SUGCT: variants seen among roughly 807,000 people sequenced by gnomAD.
SUGCT encodes the protein succinyl-CoA:glutarate CoA-transferase.
Under a neutral mutation model 55.0 loss-of-function variants are expected in SUGCT, and 41 were observed. The ratio of observed to expected loss-of-function variants is 0.74; its 90% CI spans 0.58 to 0.97. The LOEUF (loss-of-function observed/expected upper bound fraction) is 0.97. Among genes scored for constraint, SUGCT ranks in the 50% least tolerant of loss-of-function variants. The pLI is 0.00. For synonymous variants in SUGCT, 187 were observed against 200.4 expected, an observed-to-expected ratio of 0.93 and a Z score of 0.56; for missense variants, 568 against 547.8, an observed-to-expected ratio of 1.04 and a Z score of -0.37.
chr7:40,797,995 C>G (rs1790630286), intron 13 of SUGCT, among the ~76,000 whole-genome samples: 2 of 152,144 alleles, frequency 1.3e-5, no homozygotes, highest in Non-Finnish European at 2.9e-5. Context: ...ATGTTATTTC[C>G]TGTGCTTCAA....
At chr7:40,810,935 G>A (rs1039736382) in intron 13 of SUGCT, among the ~76,000 whole-genome samples, 6 of 152,098 alleles carry the variant, frequency 3.9e-5, no homozygotes, top group African/African-American at 9.7e-5. Flanking sequence ...GTTAATTTTT[G>A]TATATCGTGA....
chr7:40,374,576 A>C (rs968030420), intron 9 of SUGCT, among the ~76,000 whole-genome samples: 3 of 152,216 alleles, frequency 2.0e-5, no homozygotes, highest in Non-Finnish European at 2.9e-5. Context: ...GGGTTGTCTC[A>C]AATTGAACGG....
At chr7:40,835,054 TC>T (rs1792890447) in intron 13 of SUGCT, among the ~76,000 whole-genome samples, 1 of 152,242 alleles carries the variant, frequency 6.6e-6, no homozygotes, top group African/African-American at 2.4e-5. Context: ...GAAATGTCTT[TC>T]TTTACTGTCC....
chr7:40,283,658 AAG>A (rs1162556646), intron 8 of SUGCT, among the ~76,000 whole-genome samples: 7 of 152,218 alleles, frequency 4.6e-5, no homozygotes, highest in Non-Finnish European at 1.0e-4. Context: ...TATTATCAGC[AAG>A]AGAGATAATA....
chr7:40,170,888 A>G (rs1226045802), intron 1 of SUGCT, among the ~76,000 whole-genome samples: 5 of 152,064 alleles, frequency 3.3e-5, no homozygotes, highest in African/African-American at 1.2e-4. Context: ...CCACAGAGAA[A>G]GGGGTTGGGG....
At chr7:40,616,909 C>T (rs1232955062) in intron 12 of SUGCT, among the ~76,000 whole-genome samples, 1 of 152,174 alleles carries the variant, frequency 6.6e-6, no homozygotes, top group Non-Finnish European at 1.5e-5. Flanking sequence ...TCTATATTTT[C>T]CCATTTGCAT....
intron 5 of SUGCT, among the ~76,000 whole-genome samples, chr7:40,191,977 G>A (rs1785938444): frequency 6.6e-6 from 1 of 151,958 alleles, no homozygotes; most frequent in African/African-American, 2.4e-5. Context: ...GCGTGTTGGT[G>A]CGTGCCTGTA....
chr7:40,951,274 T>C, the SUGCT span, among the ~76,000 whole-genome samples: 2 of 152,194 alleles, frequency 1.3e-5, no homozygotes, highest in Admixed American at 1.3e-4. Context: ...TCTCTGATGG[T>C]AGTTTGTATT....
chr7:40,358,435 G>A (rs1025864953), intron 9 of SUGCT, among the ~76,000 whole-genome samples: 10 of 152,018 alleles, frequency 6.6e-5, no homozygotes, highest in Admixed American at 5.3e-4. Context: ...TCAGAGGGCC[G>A]GGCGCAGTGG....
intron 9 of SUGCT, among the ~76,000 whole-genome samples, chr7:40,338,932 A>C (rs939635472): frequency 6.6e-6 from 1 of 152,034 alleles, no homozygotes; most frequent in Non-Finnish European, 1.5e-5. Flanking sequence ...TTTGGTGTGG[A>C]TGTCCTTTCT....
chr7:40,465,212 A>G (rs1424552727), intron 11 of SUGCT, among the ~76,000 whole-genome samples: 2 of 152,162 alleles, frequency 1.3e-5, no homozygotes, highest in Non-Finnish European at 2.9e-5. Flanking sequence ...CTATTTACTT[A>G]TTTTCAGAGT....
At chr7:40,340,698 C>T (rs1431549305) in intron 9 of SUGCT, among the ~76,000 whole-genome samples, 1 of 151,972 alleles carries the variant, frequency 6.6e-6, no homozygotes, top group Non-Finnish European at 1.5e-5. Flanking sequence ...GGAGCCAGTC[C>T]GGCTATAAAG....
chr7:41,004,360 A>G, the SUGCT span, among the ~76,000 whole-genome samples: 2 of 152,210 alleles, frequency 1.3e-5, no homozygotes, highest in African/African-American at 2.4e-5. Flanking sequence ...AGTCCCAGGC[A>G]TTTCTTTTGG....
chr7:40,185,842 A>G (rs1177270894), intron 3 of SUGCT, among the ~76,000 whole-genome samples: 1 of 152,024 alleles, frequency 6.6e-6, no homozygotes, highest in Non-Finnish European at 1.5e-5. Flanking sequence ...TTTTTTGACC[A>G]GTTACTATGA....
chr7:40,871,493 GCAGAAGAACCTGCC>G, the SUGCT span, among the ~76,000 whole-genome samples: 1 of 152,204 alleles, frequency 6.6e-6, no homozygotes, highest in African/African-American at 2.4e-5. Flanking sequence ...GCCACATGGA[GCAGAAGAACCTGCC>G]CATCTGAACC....
chr7:40,763,491 C>T (rs1788636133), intron 13 of SUGCT, among the ~76,000 whole-genome samples: 1 of 152,106 alleles, frequency 6.6e-6, no homozygotes, highest in South Asian at 2.1e-4. Context: ...CTTTTATAAA[C>T]TTTAGGCTTA....
intron 9 of SUGCT, among the ~76,000 whole-genome samples, chr7:40,435,734 C>T (rs189629241): frequency 4.6e-5 from 7 of 152,190 alleles, no homozygotes; most frequent in East Asian, 3.9e-4. Context: ...TGTCCCTCCA[C>T]GCTTTGCCTT....
chr7:40,888,845 A>C, the SUGCT span, among the ~76,000 whole-genome samples: 7 of 152,182 alleles, frequency 4.6e-5, no homozygotes, highest in African/African-American at 1.7e-4. Context: ...ATGCATTGGA[A>C]GGGGACTCAG....
At chr7:40,756,420 A>G (rs563651224) in intron 13 of SUGCT, among the ~76,000 whole-genome samples, 1 of 152,310 alleles carries the variant, frequency 6.6e-6, no homozygotes, top group East Asian at 1.9e-4. Flanking sequence ...TTCAATTTGA[A>G]GCCTATACAT....
Sources: gnomAD v4.1 joint callset for allele counts (sites outside exome capture counted in the v4.1 genomes callset) on GRCh38, gnomAD v4.1.1 for gene constraint, MANE v1.5 for transcripts, NCBI Gene and HGNC (gene_info 2026-07-23, HGNC 2026-07-21) for gene names.